Variants in SSH1 observed in about 807,000 individuals in gnomAD.
SSH1 encodes slingshot protein phosphatase 1, also known as protein phosphatase Slingshot homolog 1.
SSH1 carries 43 observed loss-of-function variants against 79.7 expected under a neutral mutation model. The observed-to-expected ratio is 0.54, with a 90% confidence interval of 0.42 to 0.70. The LOEUF (loss-of-function observed/expected upper bound fraction) is 0.70. Among genes scored for constraint, SSH1 ranks in the 30% least tolerant of loss-of-function variants. The pLI is 0.00. For missense variants in SSH1, 1,206 were observed against 1,358.8 expected (o/e 0.89, Z 1.77); for synonymous variants, 599 against 538.3 (o/e 1.11, Z -1.56).
At chr12:108,797,634 GGA>G (rs2036811301) in intron 13 of SSH1, among the ~76,000 whole-genome samples, 1 of 152,238 alleles carries the variant, frequency 6.6e-6, no homozygotes, top group Admixed American at 6.5e-5. Flanking sequence ...CCTGGATGTC[GGA>G]GAGAGTGGCA....
rs1305020923 is a variant in SSH1, at chr12:108,805,122, G to A, written c.888C>T (p.Asp296=). The A allele has an allele frequency of 7.4e-6, 12 of 1,613,604 alleles. No individual in the cohort carries two copies. The highest frequency in any genetic ancestry group is 1.0e-5 in the Non-Finnish European group (12 of 1,179,646). ...CNLKELKEFI[D]NEMLLILGQM... ...GTCCCAAGATAAGTAGCATCTCATT[G>A]TCTATAAATTCCTTGAGTTCCTTCA... Residue 296 remains aspartate, a synonymous_variant, in exon 10 of 15, where the codon GAC becomes GAT. Transcript: ENST00000326495.
chr12:108,797,436 G>A (rs1284553381), intron 13 of SSH1, among the ~76,000 whole-genome samples: 1 of 152,202 alleles, frequency 6.6e-6, no homozygotes, highest in East Asian at 1.9e-4. Context: ...CTGTGTCCCA[G>A]AGTAAGAACA....
rs528240560 is a variant in SSH1, at chr12:108,789,277, G to A, written c.1894-33C>T. 3.3e-5 allele frequency: 52 copies of A among 1,569,854 alleles called. 1 individual carries two copies. Among genetic ancestry groups the A allele is most frequent in the Non-Finnish European group, 4.1e-5 (47 of 1,156,824 alleles). ...GAAGGGGACAAGAGCATGGTGAGAC[G>A]GTGCAGTCATGAGCCAAAGACCAAA... On this transcript the variant is annotated intron_variant, in intron 14 of 14. Transcript: ENST00000326495.
intron 2 of SSH1, among the ~76,000 whole-genome samples, chr12:108,838,575 T>C (rs1436014654): frequency 6.6e-6 from 1 of 152,244 alleles, no homozygotes; most frequent in African/African-American, 2.4e-5. Flanking sequence ...CTCAGCATCC[T>C]GTCTCAGTGC....
At position 108,799,123 on chromosome 12, in the gene SSH1, A is replaced by G. The variant is rs1258965673; in HGVS notation, c.1226T>C (p.Met409Thr). 6.2e-7 allele frequency: 1 copy of G among 1,614,088 alleles called. No individual in the cohort carries two copies. The highest frequency in any genetic ancestry group is 8.5e-7 in the Non-Finnish European group (1 of 1,180,050). Residue 409 changes from methionine (M) to threonine (T), a missense_variant, in exon 13 of 15, where the codon ATG becomes ACG. Coordinates refer to ENST00000326495, the MANE Select transcript of SSH1 (RefSeq NM_018984.4). Reference protein sequence around the residue: ...RSASTVIAYAMKEFGWPLEKA... With the variant: ...RSASTVIAYATKEFGWPLEKA... ...TTCCAGAGGCCAGCCGAATTCCTTC[A>G]TTGCATAGGCTATGACTGTGGAGGC...
rs2037207342 is a variant in SSH1, at chr12:108,805,045, A to G, written c.954+11T>C. 1 of 1,614,122 alleles carries G rather than the reference A, an allele frequency of 6.2e-7. No homozygotes were observed. Among genetic ancestry groups the G allele is most frequent in the Non-Finnish European group, 8.5e-7 (1 of 1,179,962 alleles). On this transcript the variant is annotated intron_variant, in intron 10 of 14. Transcript: ENST00000326495. ...CCCCAAACCAGATACTGCCAGGGCCATGCCTCTTACGAGATAAAGATGATC... is the reference window on the plus strand; with the variant it reads ...CCCCAAACCAGATACTGCCAGGGCCGTGCCTCTTACGAGATAAAGATGATC...
intron 9 of SSH1, 107 bp from the exon 10 acceptor site, chr12:108,805,291 G>T (rs1426108468): frequency 7.6e-7 from 1 of 1,318,158 alleles, no homozygotes; most frequent in East Asian, 2.3e-5. Flanking sequence ...CAAAAAAGGT[G>T]GGTGTTTTTT....
rs370632411 is a variant in SSH1 at position 108,788,145 on chromosome 12, G to C, written c.2993C>G (p.Pro998Arg). 1 of 1,613,954 alleles carries C rather than the reference G, an allele frequency of 6.2e-7. No individual in the cohort carries two copies. Among genetic ancestry groups the C allele is most frequent in the Non-Finnish European group, 8.5e-7 (1 of 1,180,026 alleles). Reference protein sequence around the residue: ...STEDLSSEADPSTVADSQDTT... With the variant: ...STEDLSSEADRSTVADSQDTT... Reference sequence around the variant, plus strand: ...GTCCTGGGAGTCAGCGACGGTGGACGGGTCAGCCTCACTGGACAGGTCTTC... The same window carrying C: ...GTCCTGGGAGTCAGCGACGGTGGACCGGTCAGCCTCACTGGACAGGTCTTC... Residue 998 changes from proline (P) to arginine (R), a missense_variant, in exon 15 of 15, where the codon CCG (proline) becomes CGG (arginine). Physicochemically the swap from Pro to Arg is moderately radical, Grantham distance 103. Transcript: ENST00000326495.
At chr12:108,843,945 T>C (rs1353104999) in intron 2 of SSH1, among the ~76,000 whole-genome samples, 3 of 152,114 alleles carry the variant, frequency 2.0e-5, no homozygotes, top group African/African-American at 7.2e-5. Context: ...TAAGTACATA[T>C]ACTACAAAGC....
rs2037920191 is a variant in SSH1 at position 108,817,016 on chromosome 12, ACAC to A, written c.401+19_401+21del. ...ACTCTTGCCTCCCTCACAGAAGGGA[ACAC>A]CTAGCCCATCAGACTCACCTTTCCT... On this transcript the variant is annotated intron_variant, in intron 5 of 14. Coordinates refer to ENST00000326495, the MANE Select transcript of SSH1 (RefSeq NM_018984.4). 1.2e-6 allele frequency: 2 copies of A among 1,612,970 alleles called. No individual in the cohort carries two copies. Among genetic ancestry groups the A allele is most frequent in the African/African-American group, 1.3e-5 (1 of 74,880 alleles).
At chr12:108,792,125 C>T (rs1400628217) in intron 14 of SSH1, 161 bp downstream of exon 14, 78 of 1,492,056 alleles carry the variant, frequency 5.2e-5, no homozygotes, top group Non-Finnish European at 7.0e-5. Context: ...ACCCTCAGGT[C>T]CCTGGAGATG....
chr12:108,800,289 T>C (rs1392284223), intron 12 of SSH1, among the ~76,000 whole-genome samples: 1 of 152,124 alleles, frequency 6.6e-6, no homozygotes, highest in African/African-American at 2.4e-5. Flanking sequence ...ACCTCCAACG[T>C]GCTGTCCTGT....
intron 14 of SSH1, among the ~76,000 whole-genome samples, chr12:108,790,696 C>A (rs2036466392): frequency 6.6e-6 from 1 of 152,216 alleles, no homozygotes. Flanking sequence ...TCGACAGATG[C>A]AACTGCCCAG....
At chr12:108,846,156 C>T (rs978545909) in intron 2 of SSH1, among the ~76,000 whole-genome samples, 2 of 152,166 alleles carry the variant, frequency 1.3e-5, no homozygotes, top group African/African-American at 4.8e-5. Flanking sequence ...CACAGTTTAC[C>T]ACTGAAACCA....
At chr12:108,798,737 G>A (rs1182323703) in intron 13 of SSH1, among the ~76,000 whole-genome samples, 1 of 152,222 alleles carries the variant, frequency 6.6e-6, no homozygotes, top group African/African-American at 2.4e-5. Flanking sequence ...TAGAACCTAG[G>A]CACCGTTCCC....
chr12:108,810,765 C>G (rs1289323260), intron 6 of SSH1, among the ~76,000 whole-genome samples: 1 of 152,262 alleles, frequency 6.6e-6, no homozygotes, highest in Non-Finnish European at 1.5e-5. Context: ...TAGACGGCCC[C>G]TCATCCCCCG....
At chr12:108,845,345 T>C (rs921139756) in intron 2 of SSH1, among the ~76,000 whole-genome samples, 1 of 152,010 alleles carries the variant, frequency 6.6e-6, no homozygotes, top group African/African-American at 2.4e-5. Flanking sequence ...AGCTATACCG[T>C]GTCCAGATTC....
chr12:108,794,016 C>T (rs1212984502), intron 13 of SSH1, among the ~76,000 whole-genome samples: 1 of 152,230 alleles, frequency 6.6e-6, no homozygotes, highest in African/African-American at 2.4e-5. Flanking sequence ...CTTCCTCCTC[C>T]TCCTCTGGGC....
At chr12:108,812,263 G>A (rs1425485203) in intron 5 of SSH1, among the ~76,000 whole-genome samples, 1 of 152,218 alleles carries the variant, frequency 6.6e-6, no homozygotes, top group Admixed American at 6.5e-5. Context: ...TTATAGCACT[G>A]AAAAATAAAA....
Sources: gnomAD v4.1 joint callset for allele counts (sites outside exome capture counted in the v4.1 genomes callset) on GRCh38, gnomAD v4.1.1 for gene constraint, MANE v1.5 for transcripts, NCBI Gene and HGNC (gene_info 2026-07-23, HGNC 2026-07-21) for gene names.